The following RSU1 variants were observed in gnomAD, a reference collection of about 807,000 sequenced individuals.
RSU1 encodes the protein rsu-1.
Under a neutral mutation model 31.1 loss-of-function variants are expected in RSU1, and 26 were observed. The observed-to-expected ratio is 0.84, with a 90% confidence interval of 0.61 to 1.16. The LOEUF (loss-of-function observed/expected upper bound fraction) is 1.16, where lower values mean the gene tolerates loss of function less well. Ranked by LOEUF, RSU1 falls within the 50% of genes most tolerant of loss-of-function variation. The pLI is 0.00. For missense variants in RSU1, 320 were observed against 339.1 expected, an observed-to-expected ratio of 0.94 and a Z score of 0.44; for synonymous variants, 164 against 136.3, an observed-to-expected ratio of 1.20 and a Z score of -1.41.
intron 8 of RSU1, among the ~76,000 whole-genome samples, chr10:16,611,853 CTCTT>C (rs1833896019): frequency 6.6e-6 from 1 of 152,208 alleles, no homozygotes; most frequent in African/African-American, 2.4e-5. Flanking sequence ...GAATGAATCT[CTCTT>C]TATGTTCAGC....
Position 16,695,170 on chromosome 10 carries a change from A to AGGG in RSU1, c.599-16_599-15insCCC. ...ATCCAAGTTTCCTGGGGGGGGGGAA[A>AGGG]AAAAAAGTGAAGGTCACTTCATCCA... On this transcript the variant is annotated splice_polypyrimidine_tract_variant and intron_variant, in intron 7 of 8. Coordinates refer to ENST00000345264, the MANE Select transcript of RSU1 (RefSeq NM_012425.4). The AGGG allele has an allele frequency of 1.5e-6, 2 of 1,366,976 alleles. No homozygotes were observed. The highest frequency in any genetic ancestry group is 1.2e-5 in the South Asian group (1 of 82,790). The allele number at this position is 1,366,976 out of a possible 1,614,324, so 84.7% of individuals were successfully genotyped here.
At chr10:16,715,184 G>GT (rs1353298836) in intron 7 of RSU1, among the ~76,000 whole-genome samples, 1 of 152,196 alleles carries the variant, frequency 6.6e-6, no homozygotes, top group African/African-American at 2.4e-5. Flanking sequence ...TTGTTTACTT[G>GT]TTGTTTAGAT....
chr10:16,757,444 C>T (rs1239570592), intron 4 of RSU1, among the ~76,000 whole-genome samples: 2 of 152,172 alleles, frequency 1.3e-5, no homozygotes, highest in African/African-American at 4.8e-5. Context: ...AGGCAGAAAA[C>T]TTCCCAGACA....
intron 7 of RSU1, among the ~76,000 whole-genome samples, chr10:16,717,850 T>A (rs1836174723): frequency 6.6e-6 from 1 of 152,098 alleles, no homozygotes; most frequent in Non-Finnish European, 1.5e-5. Flanking sequence ...AAAAACGCAT[T>A]ACTATAAATA....
chr10:16,617,059 A>C (rs1312000094), intron 8 of RSU1, among the ~76,000 whole-genome samples: 1 of 152,256 alleles, frequency 6.6e-6, no homozygotes, highest in Non-Finnish European at 1.5e-5. Flanking sequence ...CTGTTTGCAG[A>C]TGACGTGATT....
At chr10:16,694,474 A>G (rs746061635) in intron 8 of RSU1, among the ~76,000 whole-genome samples, 1 of 152,232 alleles carries the variant, frequency 6.6e-6, no homozygotes, top group Non-Finnish European at 1.5e-5. Context: ...AACTAATTTA[A>G]TACCTCAAAA....
chr10:16,737,150 G>A (rs375469275), intron 7 of RSU1, among the ~76,000 whole-genome samples: 4 of 151,202 alleles, frequency 2.6e-5, no homozygotes, highest in Non-Finnish European at 5.9e-5. Context: ...AGGAGAGAGA[G>A]ATGGGAAATC....
intron 7 of RSU1, among the ~76,000 whole-genome samples, chr10:16,728,916 G>C (rs1423141160): frequency 2.0e-5 from 3 of 152,206 alleles, no homozygotes; most frequent in Admixed American, 1.3e-4. Context: ...GAAGTGACTT[G>C]GGTGACATGT....
intron 8 of RSU1, among the ~76,000 whole-genome samples, chr10:16,651,926 A>G (rs1416749171): frequency 7.2e-5 from 11 of 152,262 alleles, no homozygotes. Flanking sequence ...TTTCTACTTC[A>G]AAGAAATGGC....
At chr10:16,731,833 T>C (rs1177445383) in intron 7 of RSU1, among the ~76,000 whole-genome samples, 3 of 152,032 alleles carry the variant, frequency 2.0e-5, no homozygotes, top group Admixed American at 2.0e-4. Context: ...TACTGAGGTA[T>C]AAAAAGTAGC....
intron 7 of RSU1, among the ~76,000 whole-genome samples, chr10:16,741,796 G>A (rs942027579): frequency 6.6e-6 from 1 of 152,180 alleles, no homozygotes; most frequent in South Asian, 2.1e-4. Flanking sequence ...CCAGTTGAAA[G>A]GTTACTCTAG....
intron 8 of RSU1, among the ~76,000 whole-genome samples, chr10:16,652,575 C>T (rs887282744): frequency 2.6e-5 from 4 of 152,036 alleles, no homozygotes; most frequent in African/African-American, 4.8e-5. Flanking sequence ...CACACACACA[C>T]GGTCTGTACA....
At chr10:16,711,704 C>G (rs1836022586) in intron 7 of RSU1, among the ~76,000 whole-genome samples, 1 of 152,160 alleles carries the variant, frequency 6.6e-6, no homozygotes, top group Non-Finnish European at 1.5e-5. Context: ...TCCAAAGTTG[C>G]TCATGTTGTT....
At chr10:16,720,873 C>A (rs1159611245) in intron 7 of RSU1, among the ~76,000 whole-genome samples, 2 of 152,124 alleles carry the variant, frequency 1.3e-5, no homozygotes, top group Non-Finnish European at 2.9e-5. Flanking sequence ...GTGGGCCCAA[C>A]TGCTTGGGAG....
chr10:16,776,359 A>T (rs1837530865), intron 3 of RSU1, among the ~76,000 whole-genome samples: 3 of 152,222 alleles, frequency 2.0e-5, no homozygotes. Context: ...AAAGTATTAA[A>T]TTCTATGTAC....
intron 7 of RSU1, among the ~76,000 whole-genome samples, chr10:16,731,626 A>C (rs577514245): frequency 3.3e-5 from 5 of 152,336 alleles, no homozygotes; most frequent in African/African-American, 1.2e-4. Context: ...GCAATGCATG[A>C]AAATGTCTAT....
chr10:16,727,891 G>C (rs1836430229), intron 7 of RSU1, among the ~76,000 whole-genome samples: 2 of 152,148 alleles, frequency 1.3e-5, no homozygotes, highest in African/African-American at 4.8e-5. Context: ...GGGGCTAGAG[G>C]AGGGAGAACA....
chr10:16,803,486 A>T (rs1660293629), intron 2 of RSU1, among the ~76,000 whole-genome samples: 1 of 152,186 alleles, frequency 6.6e-6, no homozygotes, highest in South Asian at 2.1e-4. Context: ...ATGGATATCA[A>T]CAAACTGATC....
chr10:16,592,222 CCTCTCCCAGGCCATTTGA>C lies in RSU1; in HGVS notation c.*1154_*1171del, dbSNP rs1256595879. On this transcript the variant is annotated 3_prime_UTR_variant, in exon 9 of 9. Coordinates refer to ENST00000345264, the MANE Select transcript of RSU1 (RefSeq NM_012425.4). ...GGACACAGCAGAGAAGGGCAGGCCC[CCTCTCCCAGGCCATTTGA>C]CTCTCCCAGGCCATTTGAAAAGACG... 11 of 152,276 alleles carry C rather than the reference CCTCTCCCAGGCCATTTGA, an allele frequency of 7.2e-5. No individual in the cohort carries two copies. Among genetic ancestry groups the C allele is most frequent in the Admixed American group, 1.3e-4 (2 of 15,278 alleles). 9.4% of individuals were successfully genotyped at this position (152,276 alleles called of 1,614,324 possible).
Sources: allele counts gnomAD v4.1 joint callset (sites outside exome capture counted in the v4.1 genomes callset), GRCh38; gene constraint gnomAD v4.1.1; transcripts MANE v1.5; gene names NCBI Gene and HGNC (gene_info 2026-07-23, HGNC 2026-07-21).